Variants in PRTG observed in about 807,000 individuals in gnomAD.
PRTG encodes the protein protogenin, also known as immunoglobulin superfamily, DCC subclass, member 5.
A neutral mutation model predicts 122.5 loss-of-function variants in PRTG; 67 were observed. The ratio of observed to expected loss-of-function variants is 0.55; its 90% CI spans 0.45 to 0.67. PRTG has a LOEUF of 0.67. Among genes scored for constraint, PRTG ranks in the 30% least tolerant of loss-of-function variants. PRTG has a pLI of 0.00. For missense variants in PRTG, 1,435 were observed against 1,415.4 expected (o/e 1.01, Z -0.22); for synonymous variants, 554 against 501.1 (o/e 1.11, Z -1.41).
At chr15:55,670,544 T>C (rs2059463508) in intron 11 of PRTG, among the ~76,000 whole-genome samples, 1 of 152,178 alleles carries the variant, frequency 6.6e-6, no homozygotes, top group South Asian at 2.1e-4. Context: ...TGGGCTAATG[T>C]CATCTCAGTA....
At chr15:55,696,861 T>C (rs75577582) in intron 2 of PRTG, among the ~76,000 whole-genome samples, 12,975 of 152,222 alleles carry the variant, frequency 0.085, 600 homozygotes, top group Non-Finnish European at 0.11. Context: ...AGAAAATATT[T>C]AGATCAAAAT....
At chr15:55,631,494 A>C (rs1215675498) in intron 15 of PRTG, among the ~76,000 whole-genome samples, 1 of 152,196 alleles carries the variant, frequency 6.6e-6, no homozygotes, top group Non-Finnish European at 1.5e-5. Flanking sequence ...GAAAAAAGGG[A>C]AACTATAACA....
At chr15:55,687,717 C>T (rs1294376953) in intron 2 of PRTG, among the ~76,000 whole-genome samples, 1 of 152,174 alleles carries the variant, frequency 6.6e-6, no homozygotes, top group East Asian at 1.9e-4. Context: ...TATAAAGGTA[C>T]ACATTTTTTA....
intron 2 of PRTG, among the ~76,000 whole-genome samples, chr15:55,715,868 C>T (rs759833580): frequency 6.6e-6 from 1 of 152,164 alleles, no homozygotes; most frequent in Non-Finnish European, 1.5e-5. Flanking sequence ...TGTGATAAGA[C>T]ATTTGGATAA....
intron 2 of PRTG, among the ~76,000 whole-genome samples, chr15:55,691,017 C>G (rs1041495342): frequency 6.6e-6 from 1 of 152,034 alleles, no homozygotes. Context: ...ATACAAATTA[C>G]AGGTTCTAGG....
chr15:55,666,992 GC>G (rs1485468424), intron 11 of PRTG, among the ~76,000 whole-genome samples: 1 of 152,116 alleles, frequency 6.6e-6, no homozygotes, highest in African/African-American at 2.4e-5. Context: ...TACCGTCAGT[GC>G]CATGTGGTTT....
intron 10 of PRTG, among the ~76,000 whole-genome samples, chr15:55,673,119 G>C (rs1002457054): frequency 2.6e-5 from 4 of 152,098 alleles, no homozygotes; most frequent in Non-Finnish European, 5.9e-5. Context: ...AACTCAGTTT[G>C]ATTTGGACTG....
At chr15:55,667,914 C>T (rs998844680) in intron 11 of PRTG, among the ~76,000 whole-genome samples, 7 of 152,134 alleles carry the variant, frequency 4.6e-5, no homozygotes, top group Non-Finnish European at 7.4e-5. Flanking sequence ...AATGAAACCC[C>T]GTCTCTACCA....
At chr15:55,734,587 T>TTA (rs574842277) in intron 2 of PRTG, among the ~76,000 whole-genome samples, 90 of 150,902 alleles carry the variant, frequency 6.0e-4, no homozygotes, top group African/African-American at 1.4e-3. Context: ...TAAAGCTATT[T>TTA]TATATATATA....
Position 55,706,997 on chromosome 15 carries a change from C to T in PRTG, c.398-23066G>A, listed in dbSNP as rs569817008. On this transcript the variant is annotated intron_variant, in intron 2 of 19. Coordinates refer to ENST00000389286, the MANE Select transcript of PRTG (RefSeq NM_173814.6). The stretch of plus-strand genomic sequence containing the variant: ...AATGCCAATCAGCATTTTTAAAAGA[C>T]GCCCAGGTGACTTGCATGGACTTTA... Among the ~76,000 whole-genome samples the T allele has an allele frequency of 7.2e-5, 11 of 152,296 alleles. No individual in the cohort carries two copies. In the South Asian group the frequency reaches 1.5e-3, roughly 20 times the overall value.
chr15:55,742,579 G>A, intron 1 of PRTG: 3 of 447,756 alleles, frequency 6.7e-6, no homozygotes, highest in Non-Finnish European at 3.9e-6. Context: ...CCGCAGCCAC[G>A]GGCGCGCGGC....
chr15:55,709,232 G>A (rs1452758606), intron 2 of PRTG, among the ~76,000 whole-genome samples: 1 of 137,998 alleles, frequency 7.2e-6, no homozygotes, highest in Non-Finnish European at 1.6e-5. Context: ...ATTTCTTTAT[G>A]GCCGTAATTA....
intron 11 of PRTG, among the ~76,000 whole-genome samples, chr15:55,648,599 G>A (rs1370944779): frequency 6.6e-6 from 1 of 152,146 alleles, no homozygotes; most frequent in Non-Finnish European, 1.5e-5. Context: ...CACTCATCCA[G>A]GTGCTGAGGT....
intron 15 of PRTG, among the ~76,000 whole-genome samples, chr15:55,631,670 C>T: frequency 6.6e-6 from 1 of 152,168 alleles, no homozygotes; most frequent in East Asian, 1.9e-4. Flanking sequence ...AGGAATCTTA[C>T]AAGCAAGACA....
chr15:55,672,734 A>G, intron 10 of PRTG, 101 bp from the exon 11 acceptor site: 1 of 813,170 alleles, frequency 1.2e-6, no homozygotes, highest in Non-Finnish European at 1.8e-6. Context: ...CAATTACCAA[A>G]AGGTTCAATC....
In PRTG at chr15:55,612,697, A is replaced by ATATATATATATATATATAT. The variant is rs2059125551; in HGVS notation, c.*7314_*7315insATATATATATATATATATA. 3.3e-5 allele frequency: 4 copies of ATATATATATATATATATAT among 120,746 alleles called. 1 individual carries two copies. Among genetic ancestry groups the ATATATATATATATATATAT allele is most frequent in the African/African-American group, 1.4e-4 (3 of 21,352 alleles). The allele number at this position is 120,746 out of a possible 1,614,324, so 7.5% of individuals were successfully genotyped here. The stretch of plus-strand genomic sequence containing the variant: ...TTCTCTCTTTAACTCTTTAAAAGCC[A>ATATATATATATATATATAT]ATATATATATATATATATATATATA... On this transcript the variant is annotated 3_prime_UTR_variant, in exon 20 of 20. Coordinates refer to ENST00000389286, the MANE Select transcript of PRTG (RefSeq NM_173814.6).
At chr15:55,643,713 T>G (rs1324193459) in intron 11 of PRTG, among the ~76,000 whole-genome samples, 1 of 151,558 alleles carries the variant, frequency 6.6e-6, no homozygotes, top group Non-Finnish European at 1.5e-5. Flanking sequence ...AATGAGCCAC[T>G]GCAGCAGGCC....
At chr15:55,722,470 G>C (rs1187623068) in intron 2 of PRTG, among the ~76,000 whole-genome samples, 1 of 152,152 alleles carries the variant, frequency 6.6e-6, no homozygotes, top group East Asian at 1.9e-4. Flanking sequence ...AAGAATTTTA[G>C]TGTCTACAAT....
intron 11 of PRTG, among the ~76,000 whole-genome samples, chr15:55,649,229 C>A (rs934758444): frequency 1.3e-5 from 2 of 152,134 alleles, no homozygotes; most frequent in Admixed American, 1.3e-4. Context: ...AGCTAAGAGA[C>A]AGCCTAGCAT....
Sources: allele counts gnomAD v4.1 joint callset (sites outside exome capture counted in the v4.1 genomes callset), GRCh38; gene constraint gnomAD v4.1.1; transcripts MANE v1.5; gene names NCBI Gene and HGNC (gene_info 2026-07-23, HGNC 2026-07-21).